EPN2: variants seen among roughly 807,000 people sequenced by gnomAD.
The protein encoded by EPN2 is epsin-2.
Under a neutral mutation model 61.7 loss-of-function variants are expected in EPN2, and 34 were observed. That is an observed-to-expected ratio of 0.55 (90% CI 0.42 to 0.73). The LOEUF (loss-of-function observed/expected upper bound fraction) is 0.73. Ranked by LOEUF, EPN2 falls within the 30% of genes least tolerant of loss-of-function variation. The pLI, the probability that EPN2 is intolerant of heterozygous loss-of-function variation, is 0.00. For synonymous variants in EPN2, 349 were observed against 353.6 expected (o/e 0.99, Z 0.15); for missense variants, 714 against 839.2 (o/e 0.85, Z 1.84).
Position 19,329,636 on chromosome 17 carries a change from C to A in EPN2, c.1400C>A (p.Ser467Ter), listed in dbSNP as rs1567870621. 6.3e-7 allele frequency: 1 copy of A among 1,594,276 alleles called. No homozygotes were observed. The highest frequency in any genetic ancestry group is 2.2e-5 in the East Asian group (1 of 44,720). Residue 467 changes from serine (S) to a stop codon, truncating the protein, a stop_gained, in exon 9 of 11, where the codon TCA (serine) becomes TAA (stop). Transcript: ENST00000314728. LOFTEE classifies it high-confidence loss of function. ...TCTGAATTTGACAACCTTCGGACTT[C>A]AAAAAAAACAGGTATGTACAGGTGA... ...DFSEFDNLRTSKKTAESVTSL... is the reference protein window; with the variant it reads ...DFSEFDNLRT
chr17:19,244,262 C>T (rs1039212217), intron 1 of EPN2, among the ~76,000 whole-genome samples: 9 of 152,048 alleles, frequency 5.9e-5, no homozygotes, highest in Non-Finnish European at 7.4e-5. Flanking sequence ...AGTTGGAGAC[C>T]AGCATGGCCA....
chr17:19,243,806 T>A (rs894504251), intron 1 of EPN2, among the ~76,000 whole-genome samples: 1 of 152,214 alleles, frequency 6.6e-6, no homozygotes, highest in Non-Finnish European at 1.5e-5. Context: ...CCCAAAGTGC[T>A]GGGATTACAG....
intron 7 of EPN2, among the ~76,000 whole-genome samples, chr17:19,327,688 A>G (rs1161102993): frequency 3.9e-5 from 6 of 152,090 alleles, no homozygotes; most frequent in Admixed American, 6.5e-5. Flanking sequence ...AAATGAATAC[A>G]CACACATATT....
At position 19,335,858 on chromosome 17, in the gene EPN2, A is replaced by G. The variant is rs1907398390; in HGVS notation, c.*1604A>G. On this transcript the variant is annotated 3_prime_UTR_variant, in exon 11 of 11. Transcript: ENST00000314728. ...TTACGTCGTGCATTAAAGACCAGAAAAGACTTGCTTTTACCCAGGGAGGGG... is the reference window on the plus strand; with the variant it reads ...TTACGTCGTGCATTAAAGACCAGAAGAGACTTGCTTTTACCCAGGGAGGGG... The G allele has an allele frequency of 6.3e-6, 1 of 159,524 alleles. No homozygotes were observed. Among genetic ancestry groups the G allele is most frequent in the African/African-American group, 2.4e-5 (1 of 41,758 alleles). 9.9% of individuals were successfully genotyped at this position (159,524 alleles called of 1,614,324 possible).
chr17:19,291,287 A>G (rs1484986173), intron 4 of EPN2, among the ~76,000 whole-genome samples: 1 of 152,196 alleles, frequency 6.6e-6, no homozygotes, highest in African/African-American at 2.4e-5. Flanking sequence ...GTCCTGCGGC[A>G]TCACCCCAAC....
rs1907364462 is a variant in EPN2 at position 19,335,436 on chromosome 17, A to G, written c.*1182A>G. Reference sequence around the variant, plus strand: ...AGGGATTAACAGGACTTCTGTTTACAATGGAAATCTGAAATGGAAGAAACA... The same window carrying G: ...AGGGATTAACAGGACTTCTGTTTACGATGGAAATCTGAAATGGAAGAAACA... On this transcript the variant is annotated 3_prime_UTR_variant, in exon 11 of 11. Coordinates refer to ENST00000314728, the MANE Select transcript of EPN2 (RefSeq NM_014964.5). The G allele has an allele frequency of 1.3e-6, 2 of 1,550,194 alleles. No homozygotes were observed. Among genetic ancestry groups the G allele is most frequent in the African/African-American group, 1.4e-5 (1 of 73,156 alleles).
At chr17:19,272,911 TCA>T (rs1030964560) in intron 1 of EPN2, among the ~76,000 whole-genome samples, 2 of 152,150 alleles carry the variant, frequency 1.3e-5, no homozygotes, top group Non-Finnish European at 2.9e-5. Flanking sequence ...CATCTTTTCT[TCA>T]CACAGTCTTT....
chr17:19,257,787 G>C (rs997560597), intron 1 of EPN2: 1 of 152,160 alleles, frequency 6.6e-6, no homozygotes, highest in African/African-American at 2.4e-5. Context: ...CAAAGTGCTG[G>C]GATTACAGGT....
intron 5 of EPN2, among the ~76,000 whole-genome samples, chr17:19,310,664 G>A (rs963879580): frequency 2.2e-4 from 28 of 124,528 alleles, no homozygotes; most frequent in African/African-American, 7.3e-4. Flanking sequence ...TGAGACCTCC[G>A]CGTCCTGGGT....
intron 8 of EPN2, chr17:19,329,210 C>A (rs1164996867): frequency 9.3e-6 from 4 of 428,660 alleles, no homozygotes; most frequent in Admixed American, 4.2e-5. Flanking sequence ...GGCCTCCAGG[C>A]ACTCCTTCTG....
intron 4 of EPN2, among the ~76,000 whole-genome samples, chr17:19,294,622 A>T (rs992275938): frequency 6.6e-6 from 1 of 152,212 alleles, no homozygotes; most frequent in African/African-American, 2.4e-5. Context: ...AGTATGATAC[A>T]TAGTTGTTAG....
Position 19,252,253 on chromosome 17 carries a change from T to C in EPN2, c.-294+14722T>C, listed in dbSNP as rs540983667. 4.5e-3 allele frequency among the ~76,000 whole-genome samples: 681 copies of C among 152,122 alleles called. 8 individuals carry two copies. The highest frequency in any genetic ancestry group is 0.027 in the South Asian group (128 of 4,812). On this transcript the variant is annotated intron_variant, in intron 1 of 10. Transcript: ENST00000314728. The stretch of plus-strand genomic sequence containing the variant: ...TGTGCCTTCTGTGAAGGGGCCTGCA[T>C]TGAGTGAGTCTACACTGTTGGGCTC...
chr17:19,249,436 A>G (rs1047276213), intron 1 of EPN2: 2 of 152,172 alleles, frequency 1.3e-5, no homozygotes, highest in African/African-American at 4.8e-5. Flanking sequence ...TGTCTATGTG[A>G]TTAAACAGTC....
At chr17:19,248,976 C>A (rs1160118981) in intron 1 of EPN2, among the ~76,000 whole-genome samples, 4 of 152,198 alleles carry the variant, frequency 2.6e-5, no homozygotes, top group African/African-American at 9.7e-5. Flanking sequence ...GAGGGAGCTG[C>A]ATTATGCAGA....
At chr17:19,280,907 G>A (rs1190380307) in intron 1 of EPN2, among the ~76,000 whole-genome samples, 1 of 152,188 alleles carries the variant, frequency 6.6e-6, no homozygotes, top group Non-Finnish European at 1.5e-5. Context: ...CCAGCTTCAA[G>A]TTGAGACCCC....
chr17:19,332,551 G>A (rs535971663), intron 10 of EPN2, among the ~76,000 whole-genome samples: 2 of 152,118 alleles, frequency 1.3e-5, no homozygotes, highest in East Asian at 1.9e-4. Flanking sequence ...GTTGGCTGCC[G>A]GCCAAGCCCC....
intron 1 of EPN2, among the ~76,000 whole-genome samples, chr17:19,251,436 G>C (rs550401830): frequency 6.6e-6 from 1 of 152,210 alleles, no homozygotes; most frequent in African/African-American, 2.4e-5. Context: ...TGAGTTTGCA[G>C]ACATCGCCTG....
rs2045377072 is a variant in EPN2, at chr17:19,283,455, T to C, written c.336T>C (p.Ile112=). The part of the protein sequence containing the change: ...AIQTLKDFQY[I]DRDGKDQGIN... ...AGACCCTGAAGGACTTCCAGTACAT[T>C]GACCGAGATGGCAAGGACCAGGGCA... is the stretch of plus-strand genomic sequence containing the variant. The change falls in exon 3 of 11, where the codon ATT becomes ATC. Residue 112 remains isoleucine, a synonymous_variant. Transcript: ENST00000314728. The surrounding 1 kb of genome is among the most constrained non-coding windows in gnomAD (Gnocchi z 7.0). The C allele has an allele frequency of 6.2e-7, 1 of 1,614,068 alleles. No homozygotes were observed. The highest frequency in any genetic ancestry group is 8.5e-7 in the Non-Finnish European group (1 of 1,180,034).
At chr17:19,289,922 A>T (rs1357974062) in intron 4 of EPN2, among the ~76,000 whole-genome samples, 1 of 151,748 alleles carries the variant, frequency 6.6e-6, no homozygotes, top group African/African-American at 2.4e-5. Context: ...ATGAGGTTTC[A>T]TCATGTTGGC....
Sources: gnomAD v4.1 joint callset for allele counts (sites outside exome capture counted in the v4.1 genomes callset) on GRCh38, gnomAD v4.1.1 for gene constraint, Gnocchi (gnomAD v3.1) non-coding constraint, MANE v1.5 for transcripts, NCBI Gene and HGNC (gene_info 2026-07-23, HGNC 2026-07-21) for gene names.